Variants in SCLT1 observed in about 807,000 individuals in gnomAD.
SCLT1 encodes the protein sodium channel and clathrin linker 1, also known as sodium channel-associated protein 1.
In SCLT1, 78 loss-of-function variants were observed where a neutral mutation model predicts 112.8. That is an observed-to-expected ratio of 0.69 (90% confidence interval 0.58 to 0.83). The LOEUF is 0.83. SCLT1 is among the 40% of genes least tolerant of loss of function. The pLI, the probability that SCLT1 is intolerant of heterozygous loss-of-function variation, is 0.00. For missense variants in SCLT1, 747 were observed against 770.4 expected, an observed-to-expected ratio of 0.97 and a Z score of 0.36; for synonymous variants, 257 against 254.7, an observed-to-expected ratio of 1.01 and a Z score of -0.09.
At chr4:129,041,372 T>C (rs900858493) in intron 4 of SCLT1, among the ~76,000 whole-genome samples, 1 of 152,240 alleles carries the variant, frequency 6.6e-6, no homozygotes, top group African/African-American at 2.4e-5. Context: ...AAAGGACAAC[T>C]TTGTTTATGT....
intron 5 of SCLT1, among the ~76,000 whole-genome samples, chr4:129,021,630 T>C (rs1489591597): frequency 6.6e-6 from 1 of 152,202 alleles, no homozygotes; most frequent in Non-Finnish European, 1.5e-5. Flanking sequence ...TTCCTCCTAA[T>C]TGGGCAGGAC....
chr4:128,942,089 G>T (rs1026407721), intron 17 of SCLT1, among the ~76,000 whole-genome samples: 2 of 151,930 alleles, frequency 1.3e-5, no homozygotes, highest in East Asian at 3.9e-4. Context: ...TCCTCTCCTT[G>T]TTCTTCAAAG....
At chr4:128,873,667 A>G (rs1732371581) in intron 5 of SCLT1, 1 of 152,346 alleles carries the variant, frequency 6.6e-6, no homozygotes, top group Admixed American at 6.5e-5. Context: ...TTAAATAGCA[A>G]TGAGATACAG....
intron 18 of SCLT1, among the ~76,000 whole-genome samples, chr4:128,912,373 T>C (rs895696322): frequency 6.6e-6 from 1 of 152,138 alleles, no homozygotes; most frequent in Non-Finnish European, 1.5e-5. Flanking sequence ...ATGTCAAGGG[T>C]AGATTATCAC....
In SCLT1 at chr4:128,969,294, C is replaced by T. The variant is rs576191291; in HGVS notation, c.777+1084G>A. ...CTTCTTTAAATTTCCTATTGCTGGC[C>T]GGGCGCGGTGGCTCACACCTGTAAT... On this transcript the variant is annotated intron_variant, in intron 10 of 20. Coordinates refer to ENST00000281142, the MANE Select transcript of SCLT1 (RefSeq NM_144643.4). Among the ~76,000 whole-genome samples, 46 of 152,136 alleles carry T rather than the reference C, an allele frequency of 3.0e-4. 1 individual carries two copies. The South Asian group carries it at 8.1e-3, about 27-fold the overall frequency.
At chr4:129,002,981 A>T (rs1743653998) in intron 6 of SCLT1, among the ~76,000 whole-genome samples, 1 of 152,198 alleles carries the variant, frequency 6.6e-6, no homozygotes, top group Non-Finnish European at 1.5e-5. Context: ...AGACACATGC[A>T]CATGTATGTT....
At chr4:128,900,768 A>C (rs1319584789) in intron 18 of SCLT1, among the ~76,000 whole-genome samples, 1 of 152,230 alleles carries the variant, frequency 6.6e-6, no homozygotes, top group East Asian at 1.9e-4. Context: ...AAATTTTTGC[A>C]ATCTACTCAT....
intron 2 of SCLT1, among the ~76,000 whole-genome samples, chr4:129,081,565 G>A (rs926331296): frequency 6.6e-6 from 1 of 152,130 alleles, no homozygotes; most frequent in Non-Finnish European, 1.5e-5. Context: ...GGAAGAGAGA[G>A]AATGGGGAGG....
At chr4:128,935,599 G>A (rs1250943372) in intron 18 of SCLT1, among the ~76,000 whole-genome samples, 1 of 151,984 alleles carries the variant, frequency 6.6e-6, no homozygotes, top group Non-Finnish European at 1.5e-5. Context: ...TAAAGATTAA[G>A]TACATGTAAG....
chr4:128,926,333 C>A (rs1396478042), intron 18 of SCLT1, among the ~76,000 whole-genome samples: 2 of 152,074 alleles, frequency 1.3e-5, no homozygotes, highest in African/African-American at 2.4e-5. Context: ...ATGTTCCACT[C>A]TGGCCGACTG....
intron 2 of SCLT1, among the ~76,000 whole-genome samples, chr4:129,063,059 C>CT (rs776855380): frequency 6.6e-6 from 1 of 152,178 alleles, no homozygotes; most frequent in Non-Finnish European, 1.5e-5. Flanking sequence ...CTTAAGCTTT[C>CT]TTAATTACTT....
chr4:128,968,367 C>A (rs933469570), intron 10 of SCLT1, among the ~76,000 whole-genome samples: 1 of 152,098 alleles, frequency 6.6e-6, no homozygotes, highest in African/African-American at 2.4e-5. Flanking sequence ...TTGAGTCCAT[C>A]TAGTGAAATT....
intron 18 of SCLT1, 57 bp downstream of exon 18, chr4:128,936,593 TTAAAC>T: frequency 9.8e-7 from 1 of 1,020,330 alleles, no homozygotes; most frequent in East Asian, 2.5e-5. Flanking sequence ...GGCAAGGACA[TTAAAC>T]TATAGGTTAA....
rs535274860 is a variant in SCLT1, at chr4:129,022,226, A to C, written c.290+16815T>G. 3.9e-5 allele frequency among the ~76,000 whole-genome samples: 6 copies of C among 152,318 alleles called. No individual in the cohort carries two copies. In the East Asian group the frequency reaches 1.2e-3, roughly 29 times the overall value. On this transcript the variant is annotated intron_variant, in intron 5 of 20. Transcript: ENST00000281142. ...AACGCAGAAAATTCCAAAAACCAGAATGCCTCTTCTGCTCCAAATGATTGC... is the reference window on the plus strand; with the variant it reads ...AACGCAGAAAATTCCAAAAACCAGACTGCCTCTTCTGCTCCAAATGATTGC...
intron 5 of SCLT1, among the ~76,000 whole-genome samples, chr4:129,018,241 T>A (rs191245187): frequency 1.3e-5 from 2 of 152,354 alleles, no homozygotes; most frequent in African/African-American, 4.8e-5. Context: ...ACCCATATCC[T>A]GAACTAGTTT....
At position 128,936,680 on chromosome 4, in the gene SCLT1, C is replaced by T; in HGVS notation, c.1804G>A (p.Ala602Thr). Reference protein sequence around the residue: ...KEETKKLTESAEIRINNLKSE... With the variant: ...KEETKKLTESTEIRINNLKSE... ...TTTAGATTATTGATTCTAATTTCTGCACTTTCAGTAAGTTTCTTCGTTTCT... is the reference window on the plus strand; with the variant it reads ...TTTAGATTATTGATTCTAATTTCTGTACTTTCAGTAAGTTTCTTCGTTTCT... The change falls in exon 18 of 21, where the codon GCA becomes ACA. Residue 602 changes from alanine (A) to threonine (T), a missense_variant. Coordinates refer to ENST00000281142, the MANE Select transcript of SCLT1 (RefSeq NM_144643.4). 2 of 1,599,240 alleles carry T rather than the reference C, an allele frequency of 1.3e-6. No individual in the cohort carries two copies. Among genetic ancestry groups the T allele is most frequent in the Non-Finnish European group, 1.7e-6 (2 of 1,175,248 alleles).
intron 18 of SCLT1, among the ~76,000 whole-genome samples, chr4:128,908,902 T>C (rs1034009405): frequency 5.9e-5 from 9 of 152,324 alleles, no homozygotes; most frequent in South Asian, 2.1e-4. Flanking sequence ...GCCTAAGACA[T>C]GCAACGTAAG....
At chr4:129,011,844 T>C (rs1209493550) in intron 5 of SCLT1, among the ~76,000 whole-genome samples, 1 of 152,080 alleles carries the variant, frequency 6.6e-6, no homozygotes, top group Non-Finnish European at 1.5e-5. Flanking sequence ...ATAATATTAT[T>C]TGATGGTTGT....
At chr4:129,084,507 T>C (rs1752230069) in intron 1 of SCLT1, among the ~76,000 whole-genome samples, 1 of 151,998 alleles carries the variant, frequency 6.6e-6, no homozygotes, top group Admixed American at 6.6e-5. Context: ...TATGAAACGT[T>C]TCTCTGGAAA....
Sources: allele counts gnomAD v4.1 joint callset (sites outside exome capture counted in the v4.1 genomes callset), GRCh38; gene constraint gnomAD v4.1.1; transcripts MANE v1.5; gene names NCBI Gene and HGNC (gene_info 2026-07-23, HGNC 2026-07-21).